The following TBCD variants were observed in gnomAD, a reference collection of about 807,000 sequenced individuals.
TBCD encodes tubulin-specific chaperone D.
In TBCD, 105 loss-of-function variants were observed where a neutral mutation model predicts 169.3. The observed-to-expected ratio is 0.62, with a 90% CI of 0.53 to 0.73. TBCD has a LOEUF of 0.73. Ranked by LOEUF, TBCD falls within the 30% of genes least tolerant of loss-of-function variation. The probability of loss-of-function intolerance (pLI) is 0.00; values close to 1 mark genes in which losing one functional copy is unlikely to be tolerated. For synonymous variants in TBCD, 700 were observed against 643.9 expected (o/e 1.09, Z -1.32); for missense variants, 1,444 against 1,600.1 (o/e 0.90, Z 1.66).
At chr17:82,821,131 C>G (rs2052383672) in intron 13 of TBCD, among the ~76,000 whole-genome samples, 1 of 152,074 alleles carries the variant, frequency 6.6e-6, no homozygotes, top group Non-Finnish European at 1.5e-5. Context: ...ATTGTAGAAA[C>G]AGGATCTCAC....
intron 14 of TBCD, among the ~76,000 whole-genome samples, chr17:82,877,878 C>A (rs2058078498): frequency 6.6e-6 from 1 of 152,110 alleles, no homozygotes; most frequent in Non-Finnish European, 1.5e-5. Flanking sequence ...CTTTTCTGTT[C>A]ATAGAGTTTT....
At position 82,863,016 on chromosome 17, in the gene TBCD, C is replaced by T. The variant is rs191616735; in HGVS notation, c.1319-7208C>T. 1.8e-4 allele frequency among the ~76,000 whole-genome samples: 28 copies of T among 152,288 alleles called. No homozygotes were observed. The East Asian group carries it at 3.9e-3, about 21-fold the overall frequency. On this transcript the variant is annotated intron_variant, in intron 13 of 38. Coordinates refer to ENST00000355528, the MANE Select transcript of TBCD (RefSeq NM_005993.5). ...GATTACTGGGTGGAATGTAGCCGTCCGCCTTTTGTGTTGACCTCTTGACCT... is the reference window on the plus strand; with the variant it reads ...GATTACTGGGTGGAATGTAGCCGTCTGCCTTTTGTGTTGACCTCTTGACCT...
At chr17:82,778,485 G>A (rs2048738280) in intron 6 of TBCD, among the ~76,000 whole-genome samples, 1 of 152,118 alleles carries the variant, frequency 6.6e-6, no homozygotes, top group Non-Finnish European at 1.5e-5. Flanking sequence ...TCGAGACAGG[G>A]TCTCACTCTG....
At chr17:82,786,032 T>C (rs925033519) in intron 7 of TBCD, among the ~76,000 whole-genome samples, 1 of 152,142 alleles carries the variant, frequency 6.6e-6, no homozygotes, top group African/African-American at 2.4e-5. Context: ...CTTGGAATAT[T>C]GTGTAAGCAG....
At chr17:82,802,474 A>G (rs149781436) in intron 9 of TBCD, among the ~76,000 whole-genome samples, 21 of 152,334 alleles carry the variant, frequency 1.4e-4, no homozygotes, top group East Asian at 1.4e-3. Flanking sequence ...GTGCTGTACC[A>G]GGCAGGGTTC....
chr17:82,894,359 A>G (rs2059344388), intron 17 of TBCD, among the ~76,000 whole-genome samples: 1 of 152,298 alleles, frequency 6.6e-6, no homozygotes, highest in East Asian at 1.9e-4. Flanking sequence ...TCTGTTGCCC[A>G]GGCTGGAGTG....
rs1331752404 is a variant in TBCD at position 82,756,148 on chromosome 17, G to C, written c.185-17G>C. 6.3e-7 allele frequency: 1 copy of C among 1,595,266 alleles called. No individual in the cohort carries two copies. On this transcript the variant is annotated splice_polypyrimidine_tract_variant and intron_variant, in intron 1 of 38. Coordinates refer to ENST00000355528, the MANE Select transcript of TBCD (RefSeq NM_005993.5). The stretch of plus-strand genomic sequence containing the variant: ...TGGCCTAGTGATAATTAATTTTCAT[G>C]TTATATTTGTTTTTAGTAATAATGG...
At chr17:82,872,647 A>C (rs1028416389) in intron 14 of TBCD, among the ~76,000 whole-genome samples, 4 of 151,300 alleles carry the variant, frequency 2.6e-5, no homozygotes, top group Non-Finnish European at 4.4e-5. Flanking sequence ...AAAGCAAAAA[A>C]ATGTATCTTT....
intron 13 of TBCD, among the ~76,000 whole-genome samples, chr17:82,866,990 A>G (rs1423289494): frequency 6.6e-6 from 1 of 152,266 alleles, no homozygotes; most frequent in Non-Finnish European, 1.5e-5. Context: ...GTGTTGGCCC[A>G]GATGCCTGTT....
In TBCD at chr17:82,806,054, C is replaced by T. The variant is rs750680722; in HGVS notation, c.1087+43C>T. Reference sequence around the variant, plus strand: ...GGCGGCCTCTGCTCTTGGGCACCGTCGGGCCAATTCCCCTCTACTCCAGGA... The same window carrying T: ...GGCGGCCTCTGCTCTTGGGCACCGTTGGGCCAATTCCCCTCTACTCCAGGA... On this transcript the variant is annotated intron_variant, in intron 10 of 38. Coordinates refer to ENST00000355528, the MANE Select transcript of TBCD (RefSeq NM_005993.5). This position sits in a 1 kb window ranked among gnomAD's most constrained non-coding sequence, Gnocchi z 5.1. The T allele has an allele frequency of 3.2e-5, 51 of 1,596,848 alleles. No homozygotes were observed. In the Admixed American group the frequency reaches 3.2e-4, roughly 10 times the overall value.
intron 13 of TBCD, among the ~76,000 whole-genome samples, chr17:82,850,206 TTGTTGGCTGTGCTGC>T (rs1204146936): frequency 0.019 from 408 of 21,428 alleles, 11 homozygotes; most frequent in African/African-American, 0.072. Flanking sequence ...GGCTGTGCTG[TTGTTGGCTGTGCTGC>T]TGTTGGCTGT....
intron 28 of TBCD, chr17:82,926,768 C>A: frequency 1.8e-6 from 1 of 550,022 alleles, no homozygotes; most frequent in Non-Finnish European, 3.2e-6. Context: ...GCTGACCCTG[C>A]CAGCCAGTGT....
At chr17:82,931,060 C>T (rs549072730) in intron 33 of TBCD, among the ~76,000 whole-genome samples, 21 of 152,354 alleles carry the variant, frequency 1.4e-4, no homozygotes, top group African/African-American at 4.6e-4. Context: ...AAGTGAGAAA[C>T]ATCGCTGCTT....
rs543777484 is a variant in TBCD, at chr17:82,822,538, C to T, written c.1318+7604C>T. 1.6e-3 allele frequency among the ~76,000 whole-genome samples: 241 copies of T among 152,240 alleles called. 3 individuals are homozygous for T. The highest frequency in any genetic ancestry group is 5.6e-3 in the African/African-American group (234 of 41,546). ...GAGCAGAAGAGTGGGCACAGAAAAG[C>T]GCCTGGGGGCCAGATCCTAGAGGGG... is the stretch of plus-strand genomic sequence containing the variant. On this transcript the variant is annotated intron_variant, in intron 13 of 38. Coordinates refer to ENST00000355528, the MANE Select transcript of TBCD (RefSeq NM_005993.5).
At chr17:82,763,066 G>A (rs963552343) in intron 2 of TBCD, among the ~76,000 whole-genome samples, 4 of 152,148 alleles carry the variant, frequency 2.6e-5, no homozygotes, top group Non-Finnish European at 2.9e-5. Flanking sequence ...TAAATGTCAC[G>A]TAAGTAAGGT....
chr17:82,820,413 G>T (rs1348670055), intron 13 of TBCD, among the ~76,000 whole-genome samples: 1 of 152,194 alleles, frequency 6.6e-6, no homozygotes, highest in Non-Finnish European at 1.5e-5. Flanking sequence ...TATTTCCCTT[G>T]CTATCCTTAT....
intron 10 of TBCD, 143 bp from the exon 11 acceptor site, chr17:82,807,465 T>A (rs553604013): frequency 2.1e-6 from 1 of 477,462 alleles, no homozygotes; most frequent in East Asian, 3.5e-5. Flanking sequence ...GGAAATGTTC[T>A]TTTCCTGTCA....
At chr17:82,917,374 ATTTT>A (rs1019192851) in intron 23 of TBCD, among the ~76,000 whole-genome samples, 48 of 151,944 alleles carry the variant, frequency 3.2e-4, no homozygotes, top group Non-Finnish European at 4.4e-5. Flanking sequence ...GCATCCTTGA[ATTTT>A]TTTATTTTTC....
intron 13 of TBCD, among the ~76,000 whole-genome samples, chr17:82,848,191 C>T (rs557178506): frequency 1.3e-4 from 20 of 152,298 alleles, no homozygotes; most frequent in African/African-American, 4.6e-4. Context: ...CCAACACCTT[C>T]GCCCTGAGCG....
Sources: allele counts gnomAD v4.1 joint callset (sites outside exome capture counted in the v4.1 genomes callset), GRCh38; gene constraint gnomAD v4.1.1; non-coding constraint Gnocchi (gnomAD v3.1); transcripts MANE v1.5; gene names NCBI Gene and HGNC (gene_info 2026-07-23, HGNC 2026-07-21).